NAV3: variants seen among roughly 807,000 people sequenced by gnomAD.
The protein encoded by NAV3 is neuron navigator 3.
In NAV3, 87 loss-of-function variants were observed where a neutral mutation model predicts 244.7. That is an observed-to-expected ratio of 0.36 (90% CI 0.30 to 0.42). The LOEUF is 0.42. NAV3 is among the 20% of genes least tolerant of loss of function. NAV3 has a pLI of 1.00. For missense variants in NAV3, 2,663 were observed against 2,893.3 expected (o/e 0.92, Z 1.83); for synonymous variants, 1,126 against 1,042.2 (o/e 1.08, Z -1.55).
chr12:78,061,796 C>CT (rs1884364280), intron 12 of NAV3, among the ~76,000 whole-genome samples: 1 of 151,838 alleles, frequency 6.6e-6, no homozygotes, highest in African/African-American at 2.4e-5. Context: ...TAAGATACTA[C>CT]TTTTTTGTTC....
At chr12:78,056,548 G>A (rs1230985235) in intron 11 of NAV3, among the ~76,000 whole-genome samples, 2 of 152,112 alleles carry the variant, frequency 1.3e-5, no homozygotes, top group Non-Finnish European at 2.9e-5. Context: ...GGCCAACATG[G>A]TGAAACCTCA....
chr12:78,082,260 T>C, intron 12 of NAV3, among the ~76,000 whole-genome samples: 1 of 152,216 alleles, frequency 6.6e-6, no homozygotes, highest in Non-Finnish European at 1.5e-5. Context: ...GTCTCAGGTA[T>C]GTCTTTATGA....
At chr12:77,652,043 G>A (rs1256265210) in intron 2 of NAV3, among the ~76,000 whole-genome samples, 1 of 152,116 alleles carries the variant, frequency 6.6e-6, no homozygotes, top group Non-Finnish European at 1.5e-5. Context: ...AAAAATAGCA[G>A]CTTTCTACTC....
chr12:77,755,923 T>C (rs76438696), intron 2 of NAV3, among the ~76,000 whole-genome samples: 3,832 of 151,992 alleles, frequency 0.025, 171 homozygotes, highest in African/African-American at 0.088. Flanking sequence ...TATTTGAAGA[T>C]AAGATGTCAC....
At chr12:77,961,357 T>G (rs1358453059) in intron 3 of NAV3, among the ~76,000 whole-genome samples, 1 of 141,986 alleles carries the variant, frequency 7.0e-6, no homozygotes, top group Non-Finnish European at 1.5e-5. Context: ...CATATACATA[T>G]ATGTAATATA....
intron 12 of NAV3, among the ~76,000 whole-genome samples, chr12:78,098,218 A>C (rs2138158135): frequency 6.6e-6 from 1 of 152,188 alleles, no homozygotes; most frequent in South Asian, 2.1e-4. Context: ...AACACAGCTA[A>C]GTTTTGTAAT....
At chr12:77,794,385 C>A (rs1871314915) in intron 2 of NAV3, among the ~76,000 whole-genome samples, 1 of 152,012 alleles carries the variant, frequency 6.6e-6, no homozygotes, top group African/African-American at 2.4e-5. Flanking sequence ...GCTTATTGCA[C>A]TTATACTAAG....
chr12:77,791,852 T>G (rs1871190574), intron 2 of NAV3, among the ~76,000 whole-genome samples: 1 of 152,240 alleles, frequency 6.6e-6, no homozygotes, highest in Non-Finnish European at 1.5e-5. Flanking sequence ...GCACTCACAT[T>G]CTGTGACTTA....
At chr12:78,078,572 T>C (rs1953185149) in intron 12 of NAV3, among the ~76,000 whole-genome samples, 2 of 151,604 alleles carry the variant, frequency 1.3e-5, no homozygotes, top group Non-Finnish European at 2.9e-5. Flanking sequence ...ATTTTTTGTA[T>C]TTTTAGTAGA....
intron 3 of NAV3, among the ~76,000 whole-genome samples, chr12:77,960,946 CTA>C (rs1438402257): frequency 2.1e-5 from 3 of 145,034 alleles, no homozygotes; most frequent in African/African-American, 5.0e-5. Flanking sequence ...GTATACATGC[CTA>C]TGTCTTATGC....
chr12:77,714,359 C>G (rs1164063287), intron 2 of NAV3, among the ~76,000 whole-genome samples: 2 of 152,094 alleles, frequency 1.3e-5, no homozygotes, highest in Non-Finnish European at 2.9e-5. Context: ...GTTGTTGTTT[C>G]TAGCTTGCTA....
At chr12:77,788,497 T>A (rs1165514181) in intron 2 of NAV3, among the ~76,000 whole-genome samples, 1 of 152,182 alleles carries the variant, frequency 6.6e-6, no homozygotes, top group Non-Finnish European at 1.5e-5. Flanking sequence ...AAAGGCTAAC[T>A]TGGATTACAT....
intron 8 of NAV3, among the ~76,000 whole-genome samples, chr12:78,010,207 G>C (rs1206340081): frequency 6.6e-6 from 1 of 152,004 alleles, no homozygotes. Flanking sequence ...ATTCTTTTCA[G>C]CTTTCAGTAA....
intron 2 of NAV3, among the ~76,000 whole-genome samples, chr12:77,682,721 C>A (rs1874529163): frequency 6.6e-6 from 1 of 151,996 alleles, no homozygotes; most frequent in Admixed American, 6.6e-5. Context: ...TGATACTTCA[C>A]TGTGGTTTAG....
At chr12:77,921,174 T>C (rs1887676603) in intron 1 of NAV3, among the ~76,000 whole-genome samples, 1 of 152,010 alleles carries the variant, frequency 6.6e-6, no homozygotes, top group East Asian at 1.9e-4. Context: ...ATGAGAAACG[T>C]CTTTTGGTCA....
chr12:77,828,997 C>T (rs74106559), upstream of NAV3, among the ~76,000 whole-genome samples: 1,012 of 152,212 alleles, frequency 6.6e-3, 13 homozygotes, highest in African/African-American at 0.023. Context: ...GAATAGTCAG[C>T]GTAGAATTAT....
At chr12:77,986,122 G>A (rs1055472760) in intron 5 of NAV3, among the ~76,000 whole-genome samples, 2 of 152,162 alleles carry the variant, frequency 1.3e-5, no homozygotes, top group South Asian at 4.1e-4. Flanking sequence ...AGCACTTTGG[G>A]AGGCCAAGGC....
At chr12:78,014,308 G>A (rs1292321071) in intron 8 of NAV3, among the ~76,000 whole-genome samples, 1 of 152,000 alleles carries the variant, frequency 6.6e-6, no homozygotes, top group African/African-American at 2.4e-5. Context: ...ACATGAAGAG[G>A]CAAAGAGAGC....
chr12:77,948,688 A>AC (rs1295597987), intron 3 of NAV3, among the ~76,000 whole-genome samples: 9 of 134,158 alleles, frequency 6.7e-5, no homozygotes, highest in Admixed American at 2.2e-4. Context: ...TTGCCCCCCC[A>AC]CCACTGCCAA....
Sources: gnomAD v4.1 joint callset for allele counts (sites outside exome capture counted in the v4.1 genomes callset) on GRCh38, gnomAD v4.1.1 for gene constraint, MANE v1.5 for transcripts, NCBI Gene and HGNC (gene_info 2026-07-23, HGNC 2026-07-21) for gene names.